The following IVNS1ABP variants were observed in gnomAD, a reference collection of about 807,000 sequenced individuals.
IVNS1ABP encodes influenza virus NS1A-binding protein.
IVNS1ABP carries 25 observed loss-of-function variants against 78.9 expected under a neutral mutation model. The observed-to-expected ratio is 0.32, with a 90% CI of 0.23 to 0.44. The LOEUF (loss-of-function observed/expected upper bound fraction) is 0.44, where lower values mean the gene tolerates loss of function less well. Among genes scored for constraint, IVNS1ABP ranks in the 20% least tolerant of loss-of-function variants. The pLI, the probability that IVNS1ABP is intolerant of heterozygous loss-of-function variation, is 1.00. For missense variants in IVNS1ABP, 494 were observed against 768.9 expected, an observed-to-expected ratio of 0.64 and a Z score of 4.23; for synonymous variants, 241 against 259.7, an observed-to-expected ratio of 0.93 and a Z score of 0.69.
chr1:185,308,957 T>G, intron 4 of IVNS1ABP, 46 bp downstream of exon 4: 1 of 1,580,968 alleles, frequency 6.3e-7, no homozygotes, highest in Non-Finnish European at 8.6e-7. Flanking sequence ...CTTGGAATTT[T>G]CTGAAGATAT....
rs1665462172 is a variant in IVNS1ABP, at chr1:185,297,945, A to G, written c.*90T>C. 2 of 1,284,772 alleles carry G rather than the reference A, an allele frequency of 1.6e-6. No homozygotes were observed. Among genetic ancestry groups the G allele is most frequent in the Non-Finnish European group, 2.2e-6 (2 of 914,236 alleles). 79.6% of individuals were successfully genotyped at this position (1,284,772 alleles called of 1,614,324 possible). On this transcript the variant is annotated 3_prime_UTR_variant, in exon 15 of 15. Coordinates refer to ENST00000367498, the MANE Select transcript of IVNS1ABP (RefSeq NM_006469.5). ...CTTTGTGTTGCTGTTAGCAACATCT[A>G]TACCCACCCACCCTCTTTATTCACA...
intron 5 of IVNS1ABP, chr1:185,308,100 G>A: frequency 1.4e-6 from 2 of 1,480,374 alleles, no homozygotes; most frequent in Non-Finnish European, 1.8e-6. Context: ...GGAAAATCTA[G>A]AAACTAAATG....
intron 7 of IVNS1ABP, chr1:185,306,231 A>G (rs755553939): frequency 1.9e-5 from 4 of 212,788 alleles, no homozygotes; most frequent in Non-Finnish European, 3.9e-5. Context: ...CATAATGATG[A>G]CAGTGTTTCT....
intron 8 of IVNS1ABP, 145 bp from the exon 9 acceptor site, chr1:185,301,708 TC>T: frequency 1.3e-6 from 1 of 776,416 alleles, no homozygotes; most frequent in Middle Eastern, 2.5e-4. Context: ...GCCAACACTT[TC>T]CAAATGACAC....
At chr1:185,300,621 G>T in intron 10 of IVNS1ABP, 63 bp from the exon 11 acceptor site, 1 of 1,516,404 alleles carries the variant, frequency 6.6e-7, no homozygotes, top group Non-Finnish European at 9.0e-7. Context: ...ACGGTTTCCA[G>T]TCCTGTAAGT....
chr1:185,304,760 C>T (rs1367284882), intron 8 of IVNS1ABP, among the ~76,000 whole-genome samples: 1 of 152,076 alleles, frequency 6.6e-6, no homozygotes, highest in Non-Finnish European at 1.5e-5. Flanking sequence ...AGAAAGGCTG[C>T]CGGGATGCTA....
Position 185,308,849 on chromosome 1 carries a change from T to C in IVNS1ABP, c.308A>G (p.Lys103Arg). The C allele has an allele frequency of 6.2e-7, 1 of 1,610,968 alleles. No individual in the cohort carries two copies. The highest frequency in any genetic ancestry group is 1.1e-5 in the South Asian group (1 of 90,916). Residue 103 changes from lysine to arginine, a missense_variant, in exon 5 of 15, where the codon AAA becomes AGA. Lys to Arg is a conservative substitution (Grantham distance 26). Coordinates refer to ENST00000367498, the MANE Select transcript of IVNS1ABP (RefSeq NM_006469.5). ...CTTTTTTGCTGCAGAATAAACATCT[T>C]TTACCAATTCCTTATCTGCTTTCAA... The part of the protein sequence containing the change: ...AQLKADKELV[K>R]DVYSAAKKLK...
chr1:185,316,560 G>T (rs1291610996), intron 1 of IVNS1ABP, among the ~76,000 whole-genome samples: 1 of 152,194 alleles, frequency 6.6e-6, no homozygotes, highest in Non-Finnish European at 1.5e-5. Context: ...GGGGAGTCCC[G>T]CGCCCTCCTT....
In IVNS1ABP at chr1:185,297,431, C is replaced by G. The variant is rs1665448238; in HGVS notation, c.*604G>C. On this transcript the variant is annotated 3_prime_UTR_variant, in exon 15 of 15. Coordinates refer to ENST00000367498, the MANE Select transcript of IVNS1ABP (RefSeq NM_006469.5). ...ACTCTGCAAACTGAAGACTGCCACTCTGCTTCAATAACTCCAGCCTGCCAC... is the reference window on the plus strand; with the variant it reads ...ACTCTGCAAACTGAAGACTGCCACTGTGCTTCAATAACTCCAGCCTGCCAC... 1 of 152,458 alleles carries G rather than the reference C, an allele frequency of 6.6e-6. No individual in the cohort carries two copies. The highest frequency in any genetic ancestry group is 1.5e-5 in the Non-Finnish European group (1 of 68,158). 9.4% of individuals were successfully genotyped at this position (152,458 alleles called of 1,614,324 possible). A position where few individuals can be genotyped will look rare whatever the true frequency, so the allele number is the denominator to read the frequency against.
In IVNS1ABP at chr1:185,298,486, TCC is replaced by T; in HGVS notation, c.1676-200_1676-199del. ...GGAATCAAATCAATAAAAAAACCATTCCCACGTGGAACTTAGGCAACTTAAAA... is the reference window on the plus strand; with the variant it reads ...GGAATCAAATCAATAAAAAAACCATTCACGTGGAACTTAGGCAACTTAAAA... On this transcript the variant is annotated intron_variant, in intron 14 of 14. Coordinates refer to ENST00000367498, the MANE Select transcript of IVNS1ABP (RefSeq NM_006469.5). The surrounding 1 kb of genome is among the most constrained non-coding windows in gnomAD (Gnocchi z 4.1). 2 of 577,264 alleles carry T rather than the reference TCC, an allele frequency of 3.5e-6. No individual in the cohort carries two copies. The highest frequency in any genetic ancestry group is 5.9e-6 in the Non-Finnish European group (2 of 337,878). 35.8% of individuals were successfully genotyped at this position (577,264 alleles called of 1,614,324 possible).
intron 8 of IVNS1ABP, among the ~76,000 whole-genome samples, chr1:185,302,113 G>A (rs1665617633): frequency 6.6e-6 from 1 of 151,984 alleles, no homozygotes; most frequent in Non-Finnish European, 1.5e-5. Context: ...ATTTCTTTAG[G>A]ATTACCTTAT....
chr1:185,303,472 G>T (rs1665653465), intron 8 of IVNS1ABP, among the ~76,000 whole-genome samples: 1 of 151,844 alleles, frequency 6.6e-6, no homozygotes, highest in Admixed American at 6.6e-5. Context: ...TCTAACATGT[G>T]TCCCTCGCAT....
At position 185,298,462 on chromosome 1, in the gene IVNS1ABP, GA is replaced by G. The variant is rs1411902182; in HGVS notation, c.1676-175del. 5 of 619,962 alleles carry G rather than the reference GA, an allele frequency of 8.1e-6. No individual in the cohort carries two copies. Among genetic ancestry groups the G allele is most frequent in the Non-Finnish European group, 1.3e-5 (5 of 372,304 alleles). The allele number at this position is 619,962 out of a possible 1,614,324, so 38.4% of individuals were successfully genotyped here. A position where few individuals can be genotyped will look rare whatever the true frequency, so the allele number is the denominator to read the frequency against. ...ATGACAAATACTCTCTAAGAGCTGG[GA>G]ATCAAATCAATAAAAAAACCATTCC... On this transcript the variant is annotated intron_variant, in intron 14 of 14. Coordinates refer to ENST00000367498, the MANE Select transcript of IVNS1ABP (RefSeq NM_006469.5). The surrounding 1 kb of genome is among the most constrained non-coding windows in gnomAD (Gnocchi z 4.1).
chr1:185,308,763 A>G (rs372589179), intron 5 of IVNS1ABP, 37 bp downstream of exon 5: 2 of 1,436,014 alleles, frequency 1.4e-6, no homozygotes, highest in Admixed American at 1.9e-5. Context: ...ACAAAATAAG[A>G]CTCCATAAAT....
At chr1:185,307,359 C>T (rs113983082) in intron 6 of IVNS1ABP, 130 bp downstream of exon 6, 36 of 886,066 alleles carry the variant, frequency 4.1e-5, no homozygotes, top group East Asian at 3.7e-4. Flanking sequence ...AAACCCATTA[C>T]GCTGCTAAGA....
Position 185,300,536 on chromosome 1 carries a change from A to G in IVNS1ABP, c.1143T>C (p.Cys381=), listed in dbSNP as rs758056702. ...IAAGGYNREE[C]LRTVECYNPH... ...GATTATAGCATTCGACTGTTCGAAGACATTCCTCTCTGTTATAGCCACCTG... is the reference window on the plus strand; with the variant it reads ...GATTATAGCATTCGACTGTTCGAAGGCATTCCTCTCTGTTATAGCCACCTG... The change falls in exon 11 of 15, where the codon TGT becomes TGC. Residue 381 remains cysteine (C), a synonymous_variant. Transcript: ENST00000367498. 6.8e-6 allele frequency: 11 copies of G among 1,613,480 alleles called. No homozygotes were observed. The highest frequency in any genetic ancestry group is 9.3e-6 in the Non-Finnish European group (11 of 1,179,538).
Position 185,301,167 on chromosome 1 carries a change from C to T in IVNS1ABP, c.925G>A (p.Asp309Asn). ...NNTYLCLAVLDGIFCVIFLHG... is the reference protein window; with the variant it reads ...NNTYLCLAVLNGIFCVIFLHG... ...AGAAAAATGACACAGAATATACCATCCAGCACAGCCAGGCACAAGTAAGTG... is the reference window on the plus strand; with the variant it reads ...AGAAAAATGACACAGAATATACCATTCAGCACAGCCAGGCACAAGTAAGTG... The change falls in exon 10 of 15, where the codon GAT becomes AAT. Residue 309 changes from aspartate (D) to asparagine (N), a missense_variant. Coordinates refer to ENST00000367498, the MANE Select transcript of IVNS1ABP (RefSeq NM_006469.5). 6.2e-7 allele frequency: 1 copy of T among 1,613,324 alleles called. No individual in the cohort carries two copies. The highest frequency in any genetic ancestry group is 8.5e-7 in the Non-Finnish European group (1 of 1,179,582).
chr1:185,299,443 A>C, intron 14 of IVNS1ABP: 1 of 463,844 alleles, frequency 2.2e-6, no homozygotes, highest in Non-Finnish European at 3.9e-6. Context: ...CATTAAGGAT[A>C]TGTTTTATAG....
At chr1:185,312,637 C>A (rs1357310726) in intron 1 of IVNS1ABP, among the ~76,000 whole-genome samples, 1 of 152,098 alleles carries the variant, frequency 6.6e-6, no homozygotes, top group African/African-American at 2.4e-5. Flanking sequence ...GAATGCTTAC[C>A]CTTGCATCAA....
Sources: gnomAD v4.1 joint callset for allele counts (sites outside exome capture counted in the v4.1 genomes callset) on GRCh38, gnomAD v4.1.1 for gene constraint, Gnocchi (gnomAD v3.1) non-coding constraint, MANE v1.5 for transcripts, NCBI Gene and HGNC (gene_info 2026-07-23, HGNC 2026-07-21) for gene names.